NDUFAF2: variants seen among roughly 807,000 people sequenced by gnomAD.
NDUFAF2 encodes the protein NADH dehydrogenase [ubiquinone] 1 alpha subcomplex assembly factor 2.
In NDUFAF2, 13 loss-of-function variants were observed where a neutral mutation model predicts 22.8. The observed-to-expected ratio is 0.57, with a 90% CI of 0.37 to 0.91. The LOEUF is 0.91. NDUFAF2 is among the 40% of genes least tolerant of loss of function. NDUFAF2 has a pLI of 0.01. For missense variants in NDUFAF2, 162 were observed against 195.2 expected (o/e 0.83, Z 1.01); for synonymous variants, 53 against 64.2 (o/e 0.83, Z 0.84).
At chr5:61,078,402 G>T (rs1351326637) in intron 2 of NDUFAF2, among the ~76,000 whole-genome samples, 1 of 152,140 alleles carries the variant, frequency 6.6e-6, no homozygotes, top group Admixed American at 6.6e-5. Flanking sequence ...TCTGTTTTAA[G>T]AAGAAAGACA....
chr5:60,983,853 C>G (rs1751028005), intron 1 of NDUFAF2, among the ~76,000 whole-genome samples: 1 of 152,032 alleles, frequency 6.6e-6, no homozygotes, highest in Non-Finnish European at 1.5e-5. Flanking sequence ...CAGCTTTGTT[C>G]TTTTGGCTTA....
chr5:60,953,306 C>T (rs1481252922), intron 1 of NDUFAF2, among the ~76,000 whole-genome samples: 1 of 151,902 alleles, frequency 6.6e-6, no homozygotes, highest in African/African-American at 2.4e-5. Context: ...AGCTGGAAGA[C>T]AGTGGAACAA....
chr5:61,003,092 A>G, intron 1 of NDUFAF2, among the ~76,000 whole-genome samples: 1 of 152,144 alleles, frequency 6.6e-6, no homozygotes, highest in Non-Finnish European at 1.5e-5. Flanking sequence ...TCTACAGGAA[A>G]TATACTTGTT....
chr5:61,021,948 T>C lies in NDUFAF2; in HGVS notation c.128-51177T>C, dbSNP rs981006619. 7.2e-5 allele frequency among the ~76,000 whole-genome samples: 11 copies of C among 152,190 alleles called. No homozygotes were observed. In the South Asian group the frequency reaches 1.5e-3, roughly 20 times the overall value. On this transcript the variant is annotated intron_variant, in intron 1 of 3. Transcript: ENST00000296597. The stretch of plus-strand genomic sequence containing the variant: ...GGGCAAGAGACCTAGGGAAAAATTG[T>C]GGTTCTAAAGATATTATGTTGGCAA...
intron 1 of NDUFAF2, among the ~76,000 whole-genome samples, chr5:60,987,736 T>G (rs1051381146): frequency 1.3e-5 from 2 of 152,196 alleles, no homozygotes; most frequent in Non-Finnish European, 2.9e-5. Flanking sequence ...TTGAACATCC[T>G]TTCATGTTAA....
At chr5:61,050,598 A>G (rs763789768) in intron 1 of NDUFAF2, 1 of 152,192 alleles carries the variant, frequency 6.6e-6, no homozygotes, top group Non-Finnish European at 1.5e-5. Flanking sequence ...TACAGAATAC[A>G]GCTGTCCTCA....
chr5:60,957,315 A>G (rs1294134643), intron 1 of NDUFAF2, among the ~76,000 whole-genome samples: 2 of 152,038 alleles, frequency 1.3e-5, no homozygotes, highest in Non-Finnish European at 2.9e-5. Flanking sequence ...CATCTTGTCA[A>G]TTTACCTATA....
chr5:61,030,861 A>G (rs1321735751), intron 1 of NDUFAF2, among the ~76,000 whole-genome samples: 1 of 152,100 alleles, frequency 6.6e-6, no homozygotes, highest in Non-Finnish European at 1.5e-5. Flanking sequence ...ACATAATATA[A>G]TCTTTTTATT....
chr5:61,152,441 A>AT (rs1741258136), intron 3 of NDUFAF2, among the ~76,000 whole-genome samples: 1 of 152,102 alleles, frequency 6.6e-6, no homozygotes, highest in Non-Finnish European at 1.5e-5. Flanking sequence ...TGTTTGTTTC[A>AT]TTTTTTGAGT....
At chr5:61,033,476 A>T (rs1751754150) in intron 1 of NDUFAF2, among the ~76,000 whole-genome samples, 1 of 152,126 alleles carries the variant, frequency 6.6e-6, no homozygotes, top group South Asian at 2.1e-4. Flanking sequence ...CTTATTCCAC[A>T]TGAAACCTAT....
chr5:61,024,133 C>G (rs2112605670), intron 1 of NDUFAF2, among the ~76,000 whole-genome samples: 1 of 152,048 alleles, frequency 6.6e-6, no homozygotes, highest in Non-Finnish European at 1.5e-5. Context: ...TTGGACTATA[C>G]CATGTTATAA....
At chr5:61,149,184 T>C (rs1368491101) in intron 3 of NDUFAF2, among the ~76,000 whole-genome samples, 2 of 152,156 alleles carry the variant, frequency 1.3e-5, no homozygotes, top group Non-Finnish European at 2.9e-5. Context: ...TTGGCCAGGC[T>C]GGTATCAAAC....
At chr5:61,060,203 A>G (rs1360361251) in intron 1 of NDUFAF2, among the ~76,000 whole-genome samples, 1 of 152,156 alleles carries the variant, frequency 6.6e-6, no homozygotes, top group African/African-American at 2.4e-5. Flanking sequence ...CTCTTAATAA[A>G]CAGATGCTGC....
At chr5:61,102,190 T>C (rs1460893820) in intron 3 of NDUFAF2, among the ~76,000 whole-genome samples, 1 of 152,092 alleles carries the variant, frequency 6.6e-6, no homozygotes, top group Non-Finnish European at 1.5e-5. Context: ...GAAAATATAT[T>C]TGGAAATGTA....
At chr5:60,961,404 G>A (rs1580068567) in intron 1 of NDUFAF2, among the ~76,000 whole-genome samples, 1 of 152,018 alleles carries the variant, frequency 6.6e-6, no homozygotes, top group East Asian at 1.9e-4. Flanking sequence ...GACCATCCTG[G>A]CTAACACAGT....
chr5:61,000,089 G>A (rs1751277740), intron 1 of NDUFAF2, among the ~76,000 whole-genome samples: 1 of 152,064 alleles, frequency 6.6e-6, no homozygotes, highest in Admixed American at 6.6e-5. Context: ...ATTGATTGCT[G>A]AGGAGTTTAA....
At chr5:61,074,777 GA>G (rs1440075190) in intron 2 of NDUFAF2, among the ~76,000 whole-genome samples, 1 of 152,068 alleles carries the variant, frequency 6.6e-6, no homozygotes, top group African/African-American at 2.4e-5. Context: ...GAAAAGAAAA[GA>G]AAAGAAATAC....
At chr5:60,982,969 C>T (rs185297862) in intron 1 of NDUFAF2, among the ~76,000 whole-genome samples, 3,650 of 151,858 alleles carry the variant, frequency 0.024, 62 homozygotes, top group Non-Finnish European at 0.037. Context: ...CCTGAGGAAT[C>T]GCCACACTGA....
intron 1 of NDUFAF2, among the ~76,000 whole-genome samples, chr5:60,997,505 T>A (rs985955547): frequency 6.6e-6 from 1 of 152,210 alleles, no homozygotes; most frequent in African/African-American, 2.4e-5. Flanking sequence ...CTGCTAACGA[T>A]GGAATTTAAA....
Sources: gnomAD v4.1 joint callset for allele counts (sites outside exome capture counted in the v4.1 genomes callset) on GRCh38, gnomAD v4.1.1 for gene constraint, MANE v1.5 for transcripts, NCBI Gene and HGNC (gene_info 2026-07-23, HGNC 2026-07-21) for gene names.